HEATR4: variants seen among roughly 807,000 people sequenced by gnomAD.
HEATR4 encodes the protein HEAT repeat containing 4, also known as HEAT repeat-containing protein 4.
Under a neutral mutation model 108.8 loss-of-function variants are expected in HEATR4, and 95 were observed. The ratio of observed to expected loss-of-function variants is 0.87; its 90% CI spans 0.74 to 1.04. HEATR4 has a LOEUF of 1.04. HEATR4 is among the 50% of genes least tolerant of loss of function. The pLI is 0.00. For synonymous variants in HEATR4, 443 were observed against 459.4 expected, an observed-to-expected ratio of 0.96 and a Z score of 0.46; for missense variants, 1,152 against 1,253.8, an observed-to-expected ratio of 0.92 and a Z score of 1.23.
chr14:73,572,334 CAAAAG>C, the HEATR4 span, among the ~76,000 whole-genome samples: 7 of 151,056 alleles, frequency 4.6e-5, no homozygotes, highest in East Asian at 3.9e-4. Flanking sequence ...TCAAGATATA[CAAAAG>C]AAAAGAAAAA....
the HEATR4 span, chr14:73,631,875 T>A: frequency 6.3e-6 from 1 of 157,674 alleles, no homozygotes; most frequent in African/African-American, 2.4e-5. Flanking sequence ...TCTTCGGCTC[T>A]GTGGCTTTCA....
chr14:73,543,288 T>A (rs763854910), intron 1 of HEATR4: 2 of 1,580,672 alleles, frequency 1.3e-6, no homozygotes, highest in African/African-American at 2.8e-5. Context: ...AACAGCCCTT[T>A]GGAAGGACCT....
At chr14:73,572,344 G>C in the HEATR4 span, among the ~76,000 whole-genome samples, 1 of 148,590 alleles carries the variant, frequency 6.7e-6, no homozygotes, top group Non-Finnish European at 1.5e-5. Context: ...CAAAAGAAAA[G>C]AAAAAAAAAG....
chr14:73,592,615 G>T, the HEATR4 span, among the ~76,000 whole-genome samples: 3 of 152,242 alleles, frequency 2.0e-5, no homozygotes, highest in African/African-American at 7.2e-5. Flanking sequence ...CACTTTGGGA[G>T]GCCGAGATGG....
chr14:73,614,746 C>CAA, the HEATR4 span, among the ~76,000 whole-genome samples: 5,193 of 112,948 alleles, frequency 0.046, 126 homozygotes, highest in Middle Eastern at 0.082. Flanking sequence ...GACCCTGTCT[C>CAA]AAAAAAAAAA....
the HEATR4 span, among the ~76,000 whole-genome samples, chr14:73,627,465 G>T: frequency 2.0e-5 from 3 of 152,286 alleles, no homozygotes; most frequent in South Asian, 4.1e-4. Context: ...TCACGTTGGG[G>T]TTCCAATGAC....
intron 17 of HEATR4, chr14:73,490,905 A>G (rs1595080953): frequency 8.6e-7 from 1 of 1,162,354 alleles, no homozygotes; most frequent in South Asian, 3.2e-5. Flanking sequence ...GCCAACCCCG[A>G]GGTGGCTGGA....
At chr14:73,622,868 A>T in the HEATR4 span, among the ~76,000 whole-genome samples, 58 of 152,190 alleles carry the variant, frequency 3.8e-4, no homozygotes, top group Non-Finnish European at 4.3e-4. Flanking sequence ...GCCTGGATTG[A>T]CCACTCATTC....
chr14:73,559,460 A>G (rs1439106510), upstream of HEATR4, among the ~76,000 whole-genome samples: 7 of 151,564 alleles, frequency 4.6e-5, no homozygotes, highest in African/African-American at 2.4e-5. Context: ...GCCAGGCGCG[A>G]TGGCTCACGC....
At chr14:73,618,893 G>A in the HEATR4 span, among the ~76,000 whole-genome samples, 1 of 152,194 alleles carries the variant, frequency 6.6e-6, no homozygotes, top group South Asian at 2.1e-4. Flanking sequence ...CACTTTGGGA[G>A]GCCAAGGCAG....
chr14:73,590,487 AGCCCTTGGGCG>A, the HEATR4 span, among the ~76,000 whole-genome samples: 1 of 152,194 alleles, frequency 6.6e-6, no homozygotes, highest in Non-Finnish European at 1.5e-5. Context: ...CGCACTTCTC[AGCCCTTGGGCG>A]GTCGATGGGA....
At chr14:73,612,920 G>C in the HEATR4 span, 1 of 1,352,924 alleles carries the variant, frequency 7.4e-7, no homozygotes, top group Non-Finnish European at 9.9e-7. Flanking sequence ...CACCGAGCCC[G>C]GGCGGCTGCT....
chr14:73,490,087 G>C (rs1174139274), intron 17 of HEATR4, among the ~76,000 whole-genome samples: 1 of 152,184 alleles, frequency 6.6e-6, no homozygotes, highest in Non-Finnish European at 1.5e-5. Flanking sequence ...CAGTCAAGTA[G>C]CCATTTCTCC....
the HEATR4 span, among the ~76,000 whole-genome samples, chr14:73,586,880 T>C: frequency 6.6e-6 from 1 of 152,044 alleles, no homozygotes; most frequent in Non-Finnish European, 1.5e-5. Context: ...ACCTGGCTAA[T>C]TTTTTGTAGA....
rs1211949358 is a variant in HEATR4, at chr14:73,534,173, G to A, written c.-151-3929C>T. On this transcript the variant is annotated intron_variant, in intron 1 of 17. Transcript: ENST00000553558. ...AAGCAGGCAGATTACAAGGTCAGGA[G>A]TTTGAGACCAGCCTGGCCAACATGG... is the stretch of plus-strand genomic sequence containing the variant. Among the ~76,000 whole-genome samples, 4 of 113,000 alleles carry A rather than the reference G, an allele frequency of 3.5e-5. 2 individuals are homozygous for A. Among genetic ancestry groups the A allele is most frequent in the Non-Finnish European group, 7.7e-5 (4 of 52,240 alleles). The allele number at this position is 113,000 out of a possible 152,430, so 74.1% of individuals were successfully genotyped here. A position where few individuals can be genotyped will look rare whatever the true frequency, so the allele number is the denominator to read the frequency against.
chr14:73,551,948 A>G (rs1889331765), intron 1 of HEATR4, among the ~76,000 whole-genome samples: 1 of 113,062 alleles, frequency 8.8e-6, no homozygotes, highest in African/African-American at 2.9e-5. Flanking sequence ...AAAGGTAAAG[A>G]GAGCACAGAG....
At chr14:73,488,510 TC>T (rs1344737954) in intron 17 of HEATR4, among the ~76,000 whole-genome samples, 2 of 151,996 alleles carry the variant, frequency 1.3e-5, no homozygotes, top group African/African-American at 4.8e-5. Flanking sequence ...GACCTCATGA[TC>T]CACCCACCTT....
Position 73,498,212 on chromosome 14 carries a change from C to T in HEATR4, c.2489G>A (p.Arg830Gln), listed in dbSNP as rs764956991. 7.3e-5 allele frequency: 118 copies of T among 1,614,032 alleles called. No individual in the cohort carries two copies. The highest frequency in any genetic ancestry group is 5.0e-4 in the Middle Eastern group (3 of 6,058). ...CACGTCTAGGAAGGTGTCCCTGACCCGGTCCCCTTGAAGTTTCAGGGCTAG... is the reference window on the plus strand; with the variant it reads ...CACGTCTAGGAAGGTGTCCCTGACCTGGTCCCCTTGAAGTTTCAGGGCTAG... The part of the protein sequence containing the change: ...SILALKLQGD[R>Q]VRDTFLDVLL... Residue 830 changes from arginine (R) to glutamine (Q), a missense_variant, in exon 14 of 18, where the codon CGG becomes CAG. Transcript: ENST00000553558.
In HEATR4 at chr14:73,498,224, A is replaced by C; in HGVS notation, c.2477T>G (p.Leu826Arg). 6.2e-7 allele frequency: 1 copy of C among 1,614,040 alleles called. No individual in the cohort carries two copies. Among genetic ancestry groups the C allele is most frequent in the Non-Finnish European group, 8.5e-7 (1 of 1,179,996 alleles). ...EACRSILALK[L>R]QGDRVRDTFL... ...GGTGTCCCTGACCCGGTCCCCTTGAAGTTTCAGGGCTAGGATGCTACGGCA... is the reference window on the plus strand; with the variant it reads ...GGTGTCCCTGACCCGGTCCCCTTGACGTTTCAGGGCTAGGATGCTACGGCA... The change falls in exon 14 of 18, where the codon CTT becomes CGT. Residue 826 changes from leucine (L) to arginine (R), a missense_variant. Coordinates refer to ENST00000553558, the MANE Select transcript of HEATR4 (RefSeq NM_001220484.1).
Sources: allele counts gnomAD v4.1 joint callset (sites outside exome capture counted in the v4.1 genomes callset), GRCh38; gene constraint gnomAD v4.1.1; transcripts MANE v1.5; gene names NCBI Gene and HGNC (gene_info 2026-07-23, HGNC 2026-07-21).